WDR76: variants seen among roughly 807,000 people sequenced by gnomAD.
WDR76 encodes the protein WD repeat-containing protein 76.
Under a neutral mutation model 70.2 loss-of-function variants are expected in WDR76, and 52 were observed. That is an observed-to-expected ratio of 0.74 (90% CI 0.59 to 0.93). The LOEUF is 0.93. WDR76 is among the 40% of genes least tolerant of loss of function. The probability of loss-of-function intolerance (pLI) is 0.00; values close to 1 mark genes in which losing one functional copy is unlikely to be tolerated. For missense variants in WDR76, 756 were observed against 760.2 expected, an observed-to-expected ratio of 0.99 and a Z score of 0.07; for synonymous variants, 292 against 271.1, an observed-to-expected ratio of 1.08 and a Z score of -0.76.
chr15:43,846,029 C>G (rs2087784411), intron 8 of WDR76, among the ~76,000 whole-genome samples: 1 of 149,486 alleles, frequency 6.7e-6, no homozygotes. Flanking sequence ...AAAACTGAAG[C>G]AAAAAAGTGG....
At chr15:43,854,287 AGG>A (rs1230456595) in intron 9 of WDR76, among the ~76,000 whole-genome samples, 11 of 152,180 alleles carry the variant, frequency 7.2e-5, no homozygotes, top group Non-Finnish European at 1.5e-4. Context: ...TACAAAGAAT[AGG>A]TTGGGCATGG....
Position 43,839,615 on chromosome 15 carries a change from A to G in WDR76, c.619A>G (p.Lys207Glu), listed in dbSNP as rs1209570628. 6.2e-7 allele frequency: 1 copy of G among 1,610,726 alleles called. No homozygotes were observed. Reference sequence around the variant, plus strand: ...TCCCCACTCCTTTAGAAAGAAGCCTAAGAGAGAAAATGGGATTGGATGTAG... The same window carrying G: ...TCCCCACTCCTTTAGAAAGAAGCCTGAGAGAGAAAATGGGATTGGATGTAG... Reference protein sequence around the residue: ...QPPKSKRKKPKRENGIGCRRS... With the variant: ...QPPKSKRKKPERENGIGCRRS... The change falls in exon 5 of 13, where the codon AAG becomes GAG. Residue 207 changes from lysine to glutamate, a missense_variant. Transcript: ENST00000263795.
chr15:43,842,386 A>G (rs369356230), intron 5 of WDR76, 29 bp from the exon 6 acceptor site: 5 of 1,605,554 alleles, frequency 3.1e-6, no homozygotes, highest in Non-Finnish European at 4.3e-6. Flanking sequence ...CAGGGAGCCC[A>G]ACAAATAACT....
At chr15:43,863,372 T>C (rs1433216828) in intron 12 of WDR76, among the ~76,000 whole-genome samples, 1 of 152,178 alleles carries the variant, frequency 6.6e-6, no homozygotes, top group African/African-American at 2.4e-5. Context: ...TTTTTTGTGA[T>C]GAGAACACTT....
In WDR76 at chr15:43,865,027, C is replaced by T. The variant is rs145357119; in HGVS notation, c.1617-1101C>T. ...GCAACCTCCACCTCCCGGGTTCAAGCAATTCTGCCTCAGCCTCCCCAGTAG... is the reference window on the plus strand; with the variant it reads ...GCAACCTCCACCTCCCGGGTTCAAGTAATTCTGCCTCAGCCTCCCCAGTAG... On this transcript the variant is annotated intron_variant, in intron 12 of 12. Coordinates refer to ENST00000263795, the MANE Select transcript of WDR76 (RefSeq NM_024908.4). Among the ~76,000 whole-genome samples the T allele has an allele frequency of 7.5e-3, 1,142 of 152,294 alleles. 15 individuals carry two copies. The highest frequency in any genetic ancestry group is 0.026 in the African/African-American group (1,084 of 41,566).
intron 2 of WDR76, 22 bp from the exon 3 acceptor site, chr15:43,835,039 T>C (rs371263019): frequency 1.3e-6 from 2 of 1,599,734 alleles, no homozygotes. Flanking sequence ...AGTAATGGAA[T>C]CTTTTTGGTG....
At chr15:43,836,427 T>C (rs2087657373) in intron 4 of WDR76, among the ~76,000 whole-genome samples, 1 of 152,198 alleles carries the variant, frequency 6.6e-6, no homozygotes, top group Non-Finnish European at 1.5e-5. Context: ...AATGGAGAGC[T>C]GAATTTTGTT....
In WDR76 at chr15:43,827,029, A is replaced by G; in HGVS notation, c.-4A>G. ...GAAGGCGCCGGCCGCTAAGAAGCCGAAAGATGTCCAGGTCGGGCGCGGCGG... is the reference window on the plus strand; with the variant it reads ...GAAGGCGCCGGCCGCTAAGAAGCCGGAAGATGTCCAGGTCGGGCGCGGCGG... On this transcript the variant is annotated 5_prime_UTR_variant, in exon 1 of 13. Transcript: ENST00000263795. 1.2e-6 allele frequency: 2 copies of G among 1,613,936 alleles called. No individual in the cohort carries two copies. The highest frequency in any genetic ancestry group is 1.1e-5 in the South Asian group (1 of 91,086).
chr15:43,827,235 G>T, intron 1 of WDR76, 143 bp downstream of exon 1: 1 of 936,972 alleles, frequency 1.1e-6, no homozygotes, highest in Non-Finnish European at 1.6e-6. Context: ...CAGCTTTGAC[G>T]AAAGGTTCTT....
rs940203474 is a variant in WDR76 at position 43,867,809 on chromosome 15, G to A, written c.*1417G>A. ...TCAGAAGTTATGGTAATTTCAATGT[G>A]TTTGTTGTTGGGAGGGGAGCTGCCA... On this transcript the variant is annotated 3_prime_UTR_variant, in exon 13 of 13. Coordinates refer to ENST00000263795, the MANE Select transcript of WDR76 (RefSeq NM_024908.4). The A allele has an allele frequency of 1.3e-5, 2 of 152,122 alleles. No homozygotes were observed. Among genetic ancestry groups the A allele is most frequent in the Non-Finnish European group, 2.9e-5 (2 of 68,004 alleles). The allele number at this position is 152,122 out of a possible 1,614,324, so 9.4% of individuals were successfully genotyped here.
At chr15:43,857,351 C>G (rs943178500) in intron 10 of WDR76, among the ~76,000 whole-genome samples, 188 bp downstream of exon 10, 11 of 151,868 alleles carry the variant, frequency 7.2e-5, no homozygotes, top group African/African-American at 2.7e-4. Context: ...ATGAAAAATT[C>G]TTTTAGATTT....
chr15:43,837,528 G>C (rs1245314608), intron 4 of WDR76, among the ~76,000 whole-genome samples: 1 of 152,056 alleles, frequency 6.6e-6, no homozygotes, highest in African/African-American at 2.4e-5. Context: ...GTGTAATGTA[G>C]CGCAGAAGTG....
At chr15:43,844,613 CAAA>C (rs35536883) in intron 8 of WDR76, among the ~76,000 whole-genome samples, 1 of 91,516 alleles carries the variant, frequency 1.1e-5, no homozygotes. Context: ...GACTCCGTCT[CAAA>C]AAAAAAAAAA....
chr15:43,856,804 C>T (rs779111835), intron 9 of WDR76, 142 bp from the exon 10 acceptor site: 26 of 672,008 alleles, frequency 3.9e-5, no homozygotes, highest in Non-Finnish European at 6.3e-5. Flanking sequence ...CCATTATGTC[C>T]TGTGCATCTG....
chr15:43,848,239 CAAAA>C (rs1360567118), intron 8 of WDR76, among the ~76,000 whole-genome samples: 1 of 151,138 alleles, frequency 6.6e-6, no homozygotes, highest in African/African-American at 2.4e-5. Context: ...GACCCTATCT[CAAAA>C]AAAGAAAAAA....
At chr15:43,860,593 T>A (rs1459795273) in intron 11 of WDR76, among the ~76,000 whole-genome samples, 3 of 152,068 alleles carry the variant, frequency 2.0e-5, no homozygotes, top group Non-Finnish European at 4.4e-5. Context: ...CCAGCCAACT[T>A]ACGGGCTCTA....
At chr15:43,845,063 G>T (rs1025150063) in intron 8 of WDR76, among the ~76,000 whole-genome samples, 7 of 140,422 alleles carry the variant, frequency 5.0e-5, no homozygotes, top group Admixed American at 2.8e-4. Flanking sequence ...TCAGGTTCAC[G>T]CCATTCTCTT....
chr15:43,848,960 A>T (rs2140306451), intron 8 of WDR76, among the ~76,000 whole-genome samples: 1 of 150,286 alleles, frequency 6.7e-6, no homozygotes, highest in South Asian at 2.1e-4. Flanking sequence ...AGGCCAAAAA[A>T]ACTGCATTTC....
At chr15:43,839,960 C>T (rs1307112141) in intron 5 of WDR76, among the ~76,000 whole-genome samples, 2 of 152,056 alleles carry the variant, frequency 1.3e-5, no homozygotes, top group African/African-American at 2.4e-5. Flanking sequence ...CGTGTTCAAG[C>T]GATTCTCCTG....
Sources: gnomAD v4.1 joint callset for allele counts (sites outside exome capture counted in the v4.1 genomes callset) on GRCh38, gnomAD v4.1.1 for gene constraint, MANE v1.5 for transcripts, NCBI Gene and HGNC (gene_info 2026-07-23, HGNC 2026-07-21) for gene names.